The following TOX variants were observed in gnomAD, a reference collection of about 807,000 sequenced individuals.
The protein encoded by TOX is thymocyte selection associated high mobility group box, also known as thymocyte selection-associated high mobility group box protein TOX.
Under a neutral mutation model 53.7 loss-of-function variants are expected in TOX, and 11 were observed. The ratio of observed to expected loss-of-function variants is 0.20; its 90% CI spans 0.13 to 0.34. The LOEUF is 0.34. Ranked by LOEUF, TOX falls within the 10% of genes least tolerant of loss-of-function variation. TOX has a pLI of 1.00. For synonymous variants in TOX, 225 were observed against 245.3 expected, an observed-to-expected ratio of 0.92 and a Z score of 0.77; for missense variants, 570 against 664.6, an observed-to-expected ratio of 0.86 and a Z score of 1.56.
intron 1 of TOX, among the ~76,000 whole-genome samples, chr8:59,003,442 T>C (rs1813731006): frequency 6.6e-6 from 1 of 152,192 alleles, no homozygotes; most frequent in African/African-American, 2.4e-5. Flanking sequence ...GATGGGATTT[T>C]AACGAGTGAC....
chr8:58,987,062 G>A (rs571178530), intron 1 of TOX, among the ~76,000 whole-genome samples: 1 of 152,324 alleles, frequency 6.6e-6, no homozygotes, highest in African/African-American at 2.4e-5. Context: ...TGGAGAAGTT[G>A]TGGACAGGCT....
At chr8:59,067,570 A>AAAAT (rs1804116680) in intron 1 of TOX, among the ~76,000 whole-genome samples, 1 of 152,214 alleles carries the variant, frequency 6.6e-6, no homozygotes, top group African/African-American at 2.4e-5. Flanking sequence ...ATAAATAAAT[A>AAAAT]AAATAAATAA....
chr8:58,882,782 G>A (rs2129171058), intron 3 of TOX, among the ~76,000 whole-genome samples: 1 of 152,336 alleles, frequency 6.6e-6, no homozygotes, highest in African/African-American at 2.4e-5. Context: ...ACATGAGGGA[G>A]ATGTTGTAGG....
chr8:58,969,006 A>T (rs536565018), intron 1 of TOX, among the ~76,000 whole-genome samples: 90 of 152,330 alleles, frequency 5.9e-4, no homozygotes, highest in Non-Finnish European at 1.1e-3. Flanking sequence ...AAATACAAAT[A>T]AGAAGGTACA....
intron 1 of TOX, among the ~76,000 whole-genome samples, chr8:59,048,326 T>C (rs1466530189): frequency 6.6e-6 from 1 of 152,180 alleles, no homozygotes; most frequent in Non-Finnish European, 1.5e-5. Context: ...TGTTCAGCAA[T>C]CACTCTCTGT....
intron 4 of TOX, among the ~76,000 whole-genome samples, chr8:58,849,360 C>T (rs1039616466): frequency 6.6e-6 from 1 of 152,110 alleles, no homozygotes; most frequent in Non-Finnish European, 1.5e-5. Context: ...AATAATCTAT[C>T]ACTATAGAAT....
At chr8:59,015,323 G>A (rs1563418859) in intron 1 of TOX, among the ~76,000 whole-genome samples, 3 of 152,200 alleles carry the variant, frequency 2.0e-5, no homozygotes, top group African/African-American at 2.4e-5. Context: ...TTAAATTACA[G>A]AGATTTCTCA....
chr8:58,974,183 T>G (rs1585934933), intron 1 of TOX, among the ~76,000 whole-genome samples: 1 of 152,156 alleles, frequency 6.6e-6, no homozygotes, highest in Non-Finnish European at 1.5e-5. Context: ...TACTTTTGAT[T>G]GTTATGACTG....
chr8:58,925,874 T>C (rs574992725), intron 3 of TOX, among the ~76,000 whole-genome samples: 3 of 152,240 alleles, frequency 2.0e-5, no homozygotes, highest in Non-Finnish European at 4.4e-5. Context: ...TTCTGCCACC[T>C]GAGGCTGTGC....
At position 59,103,683 on chromosome 8, in the gene TOX, G is replaced by A. The variant is rs143289742; in HGVS notation, c.102+15203C>T. ...AAAAGTTGGAAAGCTTTGCTATGTG[G>A]ATACTGGAAGATTATGAGATACCTT... On this transcript the variant is annotated intron_variant, in intron 1 of 8. Transcript: ENST00000361421. Among the ~76,000 whole-genome samples, 118 of 152,284 alleles carry A rather than the reference G, an allele frequency of 7.7e-4. 2 individuals carry two copies. The East Asian group carries it at 0.021, about 27-fold the overall frequency.
chr8:58,941,985 G>A (rs139141881), intron 2 of TOX, among the ~76,000 whole-genome samples: 65 of 151,424 alleles, frequency 4.3e-4, no homozygotes, highest in Middle Eastern at 3.4e-3. Context: ...CCCAGGAAGC[G>A]GAGGTTGCGG....
At chr8:59,104,753 A>C (rs1000025696) in intron 1 of TOX, among the ~76,000 whole-genome samples, 1 of 152,232 alleles carries the variant, frequency 6.6e-6, no homozygotes, top group Non-Finnish European at 1.5e-5. Flanking sequence ...TAATTCAAAA[A>C]ATTAGGAGTA....
chr8:58,892,326 C>A (rs1272410184), intron 3 of TOX, among the ~76,000 whole-genome samples: 1 of 151,976 alleles, frequency 6.6e-6, no homozygotes, highest in Non-Finnish European at 1.5e-5. Context: ...GAGAGAGAAG[C>A]CAAATCATTC....
chr8:59,057,291 C>T (rs775359690), intron 1 of TOX, among the ~76,000 whole-genome samples: 4 of 151,922 alleles, frequency 2.6e-5, no homozygotes, highest in Non-Finnish European at 5.9e-5. Flanking sequence ...AAAAAAAAAT[C>T]ACATACAAAT....
At chr8:58,938,450 C>A (rs1452434256) in intron 3 of TOX, among the ~76,000 whole-genome samples, 1 of 152,088 alleles carries the variant, frequency 6.6e-6, no homozygotes, top group Non-Finnish European at 1.5e-5. Context: ...CCACTGTAAA[C>A]CTGGGAGGAG....
chr8:59,114,901 G>A (rs371618710), intron 1 of TOX, among the ~76,000 whole-genome samples: 3 of 152,000 alleles, frequency 2.0e-5, no homozygotes, highest in Non-Finnish European at 4.4e-5. Context: ...AATGAATCTC[G>A]TTATTCTTAA....
chr8:58,982,217 C>T (rs946551201), intron 1 of TOX, among the ~76,000 whole-genome samples: 1 of 152,152 alleles, frequency 6.6e-6, no homozygotes, highest in African/African-American at 2.4e-5. Context: ...CCACTTGGAT[C>T]TCTCAGCCTT....
Position 59,104,401 on chromosome 8 carries a change from G to A in TOX, c.102+14485C>T, listed in dbSNP as rs114073966. Among the ~76,000 whole-genome samples the A allele has an allele frequency of 2.7e-3, 416 of 152,186 alleles. 2 individuals carry two copies. Among genetic ancestry groups the A allele is most frequent in the African/African-American group, 8.8e-3 (367 of 41,534 alleles). On this transcript the variant is annotated intron_variant, in intron 1 of 8. Transcript: ENST00000361421. ...TCCCCCTCGGAGAGCCAAGGATGTC[G>A]CCCCTCCATGCGTTGCCTCGTTTTC...
chr8:58,844,611 G>C (rs764524991), intron 4 of TOX, among the ~76,000 whole-genome samples: 7 of 151,974 alleles, frequency 4.6e-5, no homozygotes, highest in Non-Finnish European at 1.0e-4. Flanking sequence ...TTTCTGCTCT[G>C]GTATTCTACA....
Sources: allele counts gnomAD v4.1 joint callset (sites outside exome capture counted in the v4.1 genomes callset), GRCh38; gene constraint gnomAD v4.1.1; transcripts MANE v1.5; gene names NCBI Gene and HGNC (gene_info 2026-07-23, HGNC 2026-07-21).